YTHDF3: variants seen among roughly 807,000 people sequenced by gnomAD.
The protein encoded by YTHDF3 is YTH domain-containing family protein 3.
Under a neutral mutation model 52.5 loss-of-function variants are expected in YTHDF3, and 9 were observed. That is an observed-to-expected ratio of 0.17 (90% CI 0.10 to 0.30). YTHDF3 has a LOEUF of 0.30. Ranked by LOEUF, YTHDF3 falls within the 10% of genes least tolerant of loss-of-function variation. YTHDF3 has a pLI of 1.00. For missense variants in YTHDF3, 534 were observed against 715.0 expected, an observed-to-expected ratio of 0.75 and a Z score of 2.89; for synonymous variants, 274 against 243.3, an observed-to-expected ratio of 1.13 and a Z score of -1.18.
In YTHDF3 at chr8:63,212,587, T is replaced by C. The variant is rs576928206; in HGVS notation, c.*2881T>C. ...ATGTAAATTCCCTTTTTCGTATGAT[T>C]AAAGGAAGGTTATGATAAAATGATT... On this transcript the variant is annotated 3_prime_UTR_variant, in exon 5 of 5. Transcript: ENST00000539294. 1.3e-5 allele frequency: 2 copies of C among 152,734 alleles called. No homozygotes were observed. Among genetic ancestry groups the C allele is most frequent in the South Asian group, 4.2e-4 (2 of 4,818 alleles). 9.5% of individuals were successfully genotyped at this position (152,734 alleles called of 1,614,324 possible).
chr8:63,173,818 C>G (rs1807505603), intron 2 of YTHDF3: 1 of 303,462 alleles, frequency 3.3e-6, no homozygotes, highest in Non-Finnish European at 4.8e-6. Context: ...TTAGCTCAAT[C>G]CTAGTTCTGA....
intron 3 of YTHDF3, among the ~76,000 whole-genome samples, chr8:63,176,869 G>C (rs576616070): frequency 6.6e-6 from 1 of 151,822 alleles, no homozygotes; most frequent in South Asian, 2.1e-4. Context: ...AGTAGAGGTA[G>C]AGTTTCACCA....
intron 4 of YTHDF3, among the ~76,000 whole-genome samples, chr8:63,192,733 C>T (rs1482097621): frequency 2.0e-5 from 3 of 151,414 alleles, no homozygotes; most frequent in African/African-American, 7.3e-5. Flanking sequence ...GAAGGATGTG[C>T]TGCCTGTCTA....
intron 3 of YTHDF3, among the ~76,000 whole-genome samples, chr8:63,182,936 A>G (rs1041141268): frequency 6.6e-6 from 1 of 150,954 alleles, no homozygotes; most frequent in African/African-American, 2.4e-5. Context: ...AAAAGGATGA[A>G]GACAGTAGAC....
chr8:63,201,952 T>G (rs574599595), intron 4 of YTHDF3, among the ~76,000 whole-genome samples: 5 of 152,230 alleles, frequency 3.3e-5, no homozygotes, highest in Admixed American at 6.5e-5. Flanking sequence ...AGCACACATC[T>G]TGTATTCTAA....
chr8:63,199,917 CTG>C lies in YTHDF3; in HGVS notation c.1735-9764_1735-9763del, dbSNP rs1229921921. On this transcript the variant is annotated intron_variant, in intron 4 of 4. Transcript: ENST00000539294. ...TAAATGAGTAGGGATAGTGTTTGGTCTGTTGTGAATTGCTGTCTCAGTTATTT... is the reference window on the plus strand; with the variant it reads ...TAAATGAGTAGGGATAGTGTTTGGTCTTGTGAATTGCTGTCTCAGTTATTT... Among the ~76,000 whole-genome samples, 17 of 152,236 alleles carry C rather than the reference CTG, an allele frequency of 1.1e-4. No individual in the cohort carries two copies. In the East Asian group the frequency reaches 2.7e-3, roughly 24 times the overall value.
intron 4 of YTHDF3, among the ~76,000 whole-genome samples, chr8:63,193,393 A>AAAAG (rs1809039934): frequency 6.6e-6 from 1 of 151,242 alleles, no homozygotes. Flanking sequence ...AAAAAAAAAA[A>AAAAG]AAAGCAGCAG....
At chr8:63,208,052 G>A (rs1410353721) in intron 4 of YTHDF3, among the ~76,000 whole-genome samples, 1 of 152,008 alleles carries the variant, frequency 6.6e-6, no homozygotes, top group Non-Finnish European at 1.5e-5. Flanking sequence ...CTGATATGGT[G>A]GGATTTTTGT....
intron 3 of YTHDF3, among the ~76,000 whole-genome samples, chr8:63,177,878 C>T (rs978699905): frequency 6.6e-6 from 1 of 152,022 alleles, no homozygotes; most frequent in Non-Finnish European, 1.5e-5. Flanking sequence ...CTGCCTCAGC[C>T]TCCCAAGTAG....
intron 3 of YTHDF3, among the ~76,000 whole-genome samples, chr8:63,180,117 A>T (rs1808007514): frequency 6.7e-6 from 1 of 148,180 alleles, no homozygotes; most frequent in African/African-American, 2.5e-5. Context: ...TGCTGGGCGG[A>T]GATGCTCCTC....
In YTHDF3 at chr8:63,186,752, A is replaced by G. The variant is rs766288376; in HGVS notation, c.741A>G (p.Lys247=). ...SWAAIARKPA[K]PQPKLKPKGN... ...CTGCCATTGCCAGAAAGCCTGCCAA[A>G]CCTCAACCGAAACTTAAACCCAAGG... is the stretch of plus-strand genomic sequence containing the variant. The change falls in exon 4 of 5, where the codon AAA becomes AAG. Residue 247 remains lysine, a synonymous_variant. Coordinates refer to ENST00000539294, the MANE Select transcript of YTHDF3 (RefSeq NM_152758.6). 2.5e-5 allele frequency: 40 copies of G among 1,613,978 alleles called. No individual in the cohort carries two copies. Among genetic ancestry groups the G allele is most frequent in the Non-Finnish European group, 3.3e-5 (39 of 1,179,872 alleles).
chr8:63,210,541 C>T lies in YTHDF3; in HGVS notation c.*835C>T, dbSNP rs1810316862. ...TAACTACATTTAAAACCCTTAATTCCTATTTCTGGGTGTTTGCGAGCCTGA... is the reference window on the plus strand; with the variant it reads ...TAACTACATTTAAAACCCTTAATTCTTATTTCTGGGTGTTTGCGAGCCTGA... On this transcript the variant is annotated 3_prime_UTR_variant, in exon 5 of 5. Coordinates refer to ENST00000539294, the MANE Select transcript of YTHDF3 (RefSeq NM_152758.6). 1 of 152,510 alleles carries T rather than the reference C, an allele frequency of 6.6e-6. No homozygotes were observed. Among genetic ancestry groups the T allele is most frequent in the African/African-American group, 2.4e-5 (1 of 41,430 alleles). The allele number at this position is 152,510 out of a possible 1,614,324, so 9.4% of individuals were successfully genotyped here.
At chr8:63,176,789 T>A (rs1231257464) in intron 3 of YTHDF3, among the ~76,000 whole-genome samples, 1 of 152,086 alleles carries the variant, frequency 6.6e-6, no homozygotes, top group Non-Finnish European at 1.5e-5. Context: ...GTGATTCTTC[T>A]GCCTCAACCT....
At chr8:63,196,650 A>C (rs923540367) in intron 4 of YTHDF3, among the ~76,000 whole-genome samples, 1 of 152,088 alleles carries the variant, frequency 6.6e-6, no homozygotes, top group Admixed American at 6.6e-5. Context: ...AAGAAAGGAG[A>C]ATCAGACTGT....
intron 4 of YTHDF3, among the ~76,000 whole-genome samples, chr8:63,203,875 G>C (rs376575434): frequency 1.3e-5 from 2 of 152,206 alleles, no homozygotes; most frequent in Non-Finnish European, 2.9e-5. Flanking sequence ...TTTTTGAGAA[G>C]TATACCACAG....
intron 2 of YTHDF3, among the ~76,000 whole-genome samples, chr8:63,173,202 TTA>T (rs545707272): frequency 1.3e-4 from 16 of 125,912 alleles, no homozygotes; most frequent in Middle Eastern, 4.2e-3. Context: ...AGGATTATAT[TTA>T]TATATATATA....
At chr8:63,199,228 A>G (rs983124309) in intron 4 of YTHDF3, among the ~76,000 whole-genome samples, 4 of 152,204 alleles carry the variant, frequency 2.6e-5, no homozygotes, top group South Asian at 4.1e-4. Context: ...TACTTCTTCC[A>G]TACTATAATT....
chr8:63,206,658 A>G (rs985613165), intron 4 of YTHDF3, among the ~76,000 whole-genome samples: 2 of 152,220 alleles, frequency 1.3e-5, no homozygotes, highest in Non-Finnish European at 2.9e-5. Context: ...TAGCATGATT[A>G]ACATTTTCAT....
chr8:63,199,298 A>C (rs1434971445), intron 4 of YTHDF3, among the ~76,000 whole-genome samples: 1 of 152,096 alleles, frequency 6.6e-6, no homozygotes, highest in Non-Finnish European at 1.5e-5. Flanking sequence ...TATACAGGGG[A>C]TTATTCCAGG....
Sources: gnomAD v4.1 joint callset for allele counts (sites outside exome capture counted in the v4.1 genomes callset) on GRCh38, gnomAD v4.1.1 for gene constraint, MANE v1.5 for transcripts, NCBI Gene and HGNC (gene_info 2026-07-23, HGNC 2026-07-21) for gene names.